CHSY3: variants seen among roughly 807,000 people sequenced by gnomAD.
CHSY3 encodes N-acetylgalactosaminyl-proteoglycan 3-beta-glucuronosyltransferase 3.
A neutral mutation model predicts 67.2 loss-of-function variants in CHSY3; 35 were observed. The ratio of observed to expected loss-of-function variants is 0.52; its 90% CI spans 0.40 to 0.69. CHSY3 has a LOEUF of 0.69. CHSY3 is among the 30% of genes least tolerant of loss of function. The pLI, the probability that CHSY3 is intolerant of heterozygous loss-of-function variation, is 0.00. For missense variants in CHSY3, 1,069 were observed against 1,138.5 expected, an observed-to-expected ratio of 0.94 and a Z score of 0.88; for synonymous variants, 474 against 434.7, an observed-to-expected ratio of 1.09 and a Z score of -1.12.
chr5:129,908,828 C>A (rs1760424972), intron 2 of CHSY3, among the ~76,000 whole-genome samples: 1 of 151,586 alleles, frequency 6.6e-6, no homozygotes. Context: ...TGGATATTTT[C>A]CAGTGGAAAT....
At chr5:129,934,086 G>A (rs995237210) in intron 2 of CHSY3, among the ~76,000 whole-genome samples, 2 of 152,018 alleles carry the variant, frequency 1.3e-5, no homozygotes, top group African/African-American at 4.8e-5. Context: ...TATTATGTGA[G>A]GCAACCTAGA....
intron 2 of CHSY3, among the ~76,000 whole-genome samples, chr5:130,181,380 A>G (rs1770238083): frequency 6.6e-6 from 1 of 152,156 alleles, no homozygotes; most frequent in Admixed American, 6.5e-5. Flanking sequence ...TGAGAATTCT[A>G]GTTTTAATTT....
chr5:130,082,457 A>C (rs1340215798), intron 2 of CHSY3, among the ~76,000 whole-genome samples: 1 of 152,082 alleles, frequency 6.6e-6, no homozygotes, highest in Non-Finnish European at 1.5e-5. Flanking sequence ...GTTTCAAATC[A>C]TGTGTTTGAT....
At position 130,184,313 on chromosome 5, in the gene CHSY3, A is replaced by G. The variant is rs963488186; in HGVS notation, c.1171A>G (p.Ile391Val). Residue 391 changes from isoleucine to valine, a missense_variant, in exon 3 of 3, where the codon ATA (isoleucine) becomes GTA (valine). By Grantham distance (29) the Ile-to-Val change is conservative. Coordinates refer to ENST00000305031, the MANE Select transcript of CHSY3 (RefSeq NM_175856.5). ...TCACAATAGCAAAATCCATGCAGCC[A>G]TAACACTTCATCCCAACAAAAGGCC... is the stretch of plus-strand genomic sequence containing the variant. ...DLHNSKIHAAITLHPNKRPAY... is the reference protein window; with the variant it reads ...DLHNSKIHAAVTLHPNKRPAY... 5 of 1,614,010 alleles carry G rather than the reference A, an allele frequency of 3.1e-6. No homozygotes were observed. The African/African-American group carries it at 4.0e-5, about 13-fold the overall frequency.
intron 2 of CHSY3, among the ~76,000 whole-genome samples, chr5:130,182,689 C>CT (rs1770284406): frequency 6.6e-6 from 1 of 151,896 alleles, no homozygotes; most frequent in Admixed American, 6.6e-5. Flanking sequence ...TCCGTTTTTA[C>CT]TTTTTTCCCT....
At chr5:129,967,524 A>G (rs1469713495) in intron 2 of CHSY3, among the ~76,000 whole-genome samples, 2 of 151,804 alleles carry the variant, frequency 1.3e-5, no homozygotes, top group African/African-American at 4.8e-5. Flanking sequence ...AGTCGCTGCT[A>G]TTTGGTTCTC....
chr5:130,129,914 A>C (rs1768425723), intron 2 of CHSY3, among the ~76,000 whole-genome samples: 1 of 152,184 alleles, frequency 6.6e-6, no homozygotes, highest in Non-Finnish European at 1.5e-5. Context: ...CATAAAATGT[A>C]ACATTTGACA....
At chr5:130,047,226 G>A (rs1765180085) in intron 2 of CHSY3, among the ~76,000 whole-genome samples, 1 of 152,016 alleles carries the variant, frequency 6.6e-6, no homozygotes, top group African/African-American at 2.4e-5. Context: ...ATTCAATAAT[G>A]TATTGAAATG....
Position 130,125,042 on chromosome 5 carries a change from A to G in CHSY3, c.1087-59187A>G, listed in dbSNP as rs147910658. On this transcript the variant is annotated intron_variant, in intron 2 of 2. Transcript: ENST00000305031. ...ATGCCTGTAATCCCAAGCCTTTGAGAGGCCGATGGGGGAGAATTGCTTGAG... is the reference window on the plus strand; with the variant it reads ...ATGCCTGTAATCCCAAGCCTTTGAGGGGCCGATGGGGGAGAATTGCTTGAG... Among the ~76,000 whole-genome samples, 15 of 152,296 alleles carry G rather than the reference A, an allele frequency of 9.8e-5. No individual in the cohort carries two copies. The East Asian group carries it at 2.5e-3, about 26-fold the overall frequency.
chr5:129,989,214 AG>A (rs1763287703), intron 2 of CHSY3, among the ~76,000 whole-genome samples: 1 of 151,578 alleles, frequency 6.6e-6, no homozygotes, highest in Non-Finnish European at 1.5e-5. Context: ...CATCCCATAG[AG>A]GAAAGGCAAA....
chr5:130,144,324 G>T (rs1319748915), intron 2 of CHSY3, among the ~76,000 whole-genome samples: 1 of 151,990 alleles, frequency 6.6e-6, no homozygotes, highest in African/African-American at 2.4e-5. Context: ...ATGGTTATTT[G>T]CTGGATACAA....
intron 2 of CHSY3, among the ~76,000 whole-genome samples, chr5:130,170,103 C>T (rs918618023): frequency 1.3e-5 from 2 of 151,950 alleles, no homozygotes; most frequent in African/African-American, 4.8e-5. Flanking sequence ...ATACTGTATC[C>T]GAAAGATAAT....
intron 2 of CHSY3, among the ~76,000 whole-genome samples, chr5:130,005,441 A>G (rs1035910872): frequency 2.0e-5 from 3 of 148,624 alleles, no homozygotes; most frequent in Non-Finnish European, 4.5e-5. Context: ...AAAAAAAAAA[A>G]CACGTTATAA....
At chr5:130,121,118 G>C (rs1367481609) in intron 2 of CHSY3, among the ~76,000 whole-genome samples, 2 of 152,138 alleles carry the variant, frequency 1.3e-5, no homozygotes, top group Non-Finnish European at 2.9e-5. Context: ...CTTTATAGTG[G>C]TTCCCCAACT....
chr5:129,996,296 T>C (rs565461341), intron 2 of CHSY3, among the ~76,000 whole-genome samples: 1 of 152,136 alleles, frequency 6.6e-6, no homozygotes, highest in Non-Finnish European at 1.5e-5. Context: ...CCTGATTGCA[T>C]TGTGGTCCCT....
At chr5:129,966,903 C>T (rs1249016997) in intron 2 of CHSY3, among the ~76,000 whole-genome samples, 1 of 151,766 alleles carries the variant, frequency 6.6e-6, no homozygotes, top group Non-Finnish European at 1.5e-5. Context: ...AGTACAGATA[C>T]TGTAAGTAAC....
intron 2 of CHSY3, among the ~76,000 whole-genome samples, chr5:130,110,813 A>T (rs1289517185): frequency 6.6e-6 from 1 of 151,988 alleles, no homozygotes; most frequent in Non-Finnish European, 1.5e-5. Context: ...TATATCCCTG[A>T]TAAGAGAAAT....
intron 2 of CHSY3, among the ~76,000 whole-genome samples, chr5:130,103,443 G>C (rs1767313397): frequency 6.6e-6 from 1 of 151,944 alleles, no homozygotes; most frequent in Admixed American, 6.6e-5. Flanking sequence ...TATAAAGTTG[G>C]CCTAAATGTT....
chr5:130,159,832 C>A (rs1414296208), intron 2 of CHSY3, among the ~76,000 whole-genome samples: 1 of 152,148 alleles, frequency 6.6e-6, no homozygotes, highest in Non-Finnish European at 1.5e-5. Context: ...AGAAATGCAT[C>A]CAAGGCAATC....
Sources: gnomAD v4.1 joint callset for allele counts (sites outside exome capture counted in the v4.1 genomes callset) on GRCh38, gnomAD v4.1.1 for gene constraint, MANE v1.5 for transcripts, NCBI Gene and HGNC (gene_info 2026-07-23, HGNC 2026-07-21) for gene names.